Variants in COL6A3 observed in about 807,000 individuals in gnomAD.
The protein encoded by COL6A3 is collagen type VI alpha 3 chain, also known as collagen alpha-3(VI) chain.
COL6A3 carries 137 observed loss-of-function variants against 274.1 expected under a neutral mutation model. That is an observed-to-expected ratio of 0.50 (90% confidence interval 0.44 to 0.58). COL6A3 has a LOEUF of 0.58. Among genes scored for constraint, COL6A3 ranks in the 20% least tolerant of loss-of-function variants. The probability of loss-of-function intolerance (pLI) is 0.00; values close to 1 mark genes in which losing one functional copy is unlikely to be tolerated. For synonymous variants in COL6A3, 1,650 were observed against 1,650.6 expected, an observed-to-expected ratio of 1.00 and a Z score of 0.01; for missense variants, 3,950 against 4,124.9, an observed-to-expected ratio of 0.96 and a Z score of 1.16.
In COL6A3 at chr2:237,372,249, C is replaced by G; in HGVS notation, c.3768G>C (p.Glu1256Asp). The change falls in exon 9 of 44, where the codon GAG becomes GAC. Residue 1256 changes from glutamate (E) to aspartate (D), a missense_variant. Physicochemically the swap from Glu to Asp is conservative, Grantham distance 45 (BLOSUM62 2). Transcript: ENST00000295550. ...PEFQYVRTLI[E>D]RLVDYLDVGF... ...CCACGTCCAGGTAGTCAACCAGCCT[C>G]TCTATGAGGGTGCGAACGTACTGGA... 1 of 1,614,030 alleles carries G rather than the reference C, an allele frequency of 6.2e-7. No individual in the cohort carries two copies. The highest frequency in any genetic ancestry group is 8.5e-7 in the Non-Finnish European group (1 of 1,180,054).
rs1372784867 is a variant in COL6A3 at position 237,387,500 on chromosome 2, T to C, written c.1312+82A>G. The C allele has an allele frequency of 6.8e-6, 11 of 1,606,620 alleles. No individual in the cohort carries two copies. In the South Asian group the frequency reaches 1.0e-4, roughly 15 times the overall value. On this transcript the variant is annotated intron_variant, in intron 4 of 43. Coordinates refer to ENST00000295550, the MANE Select transcript of COL6A3 (RefSeq NM_004369.4). The stretch of plus-strand genomic sequence containing the variant: ...TTACAGCTTCTCCCGTGGCGAATCA[T>C]GCTGGTACCCACCTTACGTCTATGT...
chr2:237,337,822 G>T (rs1574934496), intron 39 of COL6A3, among the ~76,000 whole-genome samples: 1 of 152,108 alleles, frequency 6.6e-6, no homozygotes, highest in Non-Finnish European at 1.5e-5. Flanking sequence ...CATGAAACAC[G>T]GCACATGGGC....
Position 237,345,204 on chromosome 2 carries a change from C to A in COL6A3, c.7102G>T (p.Gly2368Cys), listed in dbSNP as rs770166058. ...ACATCGATGGAGTCGCCCCTGTTGC[C>A]CTTGGGACCCTGTAAAACCAAGGAA... ...PGYPGPAGPK[G>C]NRGDSIDQCA... Residue 2368 changes from glycine to cysteine, a missense_variant, in exon 33 of 44, where the codon GGC becomes TGC. Physicochemically the swap from Gly to Cys is radical, Grantham distance 159. Coordinates refer to ENST00000295550, the MANE Select transcript of COL6A3 (RefSeq NM_004369.4). 2 of 1,614,108 alleles carry A rather than the reference C, an allele frequency of 1.2e-6. No individual in the cohort carries two copies. The highest frequency in any genetic ancestry group is 2.2e-5 in the East Asian group (1 of 44,878).
At position 237,337,699 on chromosome 2, in the gene COL6A3, C is replaced by G. The variant is rs144466459; in HGVS notation, c.8568-1167G>C. The stretch of plus-strand genomic sequence containing the variant: ...ACATTCTCTTAAGGAGCACACATTG[C>G]TGACACGCTGCAGGGGCTCAGTTCT... On this transcript the variant is annotated intron_variant, in intron 39 of 43. Coordinates refer to ENST00000295550, the MANE Select transcript of COL6A3 (RefSeq NM_004369.4). Among the ~76,000 whole-genome samples, 3 of 152,346 alleles carry G rather than the reference C, an allele frequency of 2.0e-5. No individual in the cohort carries two copies. In the East Asian group the frequency reaches 5.8e-4, roughly 29 times the overall value.
At chr2:237,373,292 C>G (rs926663575) in intron 8 of COL6A3, among the ~76,000 whole-genome samples, 2 of 152,192 alleles carry the variant, frequency 1.3e-5, no homozygotes, top group Non-Finnish European at 2.9e-5. Context: ...ATCACAGAGG[C>G]CTCCTGCAGG....
chr2:237,334,088 G>C (rs1470847254), intron 41 of COL6A3, among the ~76,000 whole-genome samples: 1 of 152,214 alleles, frequency 6.6e-6, no homozygotes, highest in African/African-American at 2.4e-5. Flanking sequence ...GCAGGCCTCA[G>C]TGAAATGGGG....
intron 36 of COL6A3, chr2:237,343,344 AAAAG>A (rs1198319265): frequency 3.3e-5 from 5 of 151,306 alleles, no homozygotes; most frequent in South Asian, 2.1e-4. Context: ...AAAAAAAAAA[AAAAG>A]AAAGAAAAAT....
chr2:237,402,050 T>C (rs2078604542), intron 1 of COL6A3, among the ~76,000 whole-genome samples: 1 of 152,148 alleles, frequency 6.6e-6, no homozygotes, highest in African/African-American at 2.4e-5. Context: ...TATAAAAGAA[T>C]GAAATCCTTT....
At chr2:237,370,195 T>C (rs1015397210) in intron 9 of COL6A3, among the ~76,000 whole-genome samples, 4 of 150,952 alleles carry the variant, frequency 2.6e-5, no homozygotes, top group African/African-American at 9.7e-5. Flanking sequence ...TTCTTTACAT[T>C]AGCGCATTTT....
Position 237,358,501 on chromosome 2 carries a change from G to C in COL6A3, c.6471+20C>G, listed in dbSNP as rs370407313. 1 of 1,607,492 alleles carries C rather than the reference G, an allele frequency of 6.2e-7. No individual in the cohort carries two copies. The highest frequency in any genetic ancestry group is 8.5e-7 in the Non-Finnish European group (1 of 1,174,108). ...CTTCCCCAGGCTCAGGTCTGAAATC[G>C]TCAATAAAGAAATCTTTACCGGGTC... On this transcript the variant is annotated intron_variant, in intron 21 of 43. Transcript: ENST00000295550.
At chr2:237,327,545 G>C (rs919364543) in intron 42 of COL6A3, 1 of 152,118 alleles carries the variant, frequency 6.6e-6, no homozygotes, top group Non-Finnish European at 1.5e-5. Context: ...ATTTCAGTGA[G>C]AGTCACTACT....
chr2:237,399,286 C>T (rs188581024), intron 1 of COL6A3, among the ~76,000 whole-genome samples: 68 of 152,302 alleles, frequency 4.5e-4, no homozygotes, highest in Admixed American at 9.1e-4. Flanking sequence ...CCTGGATCCA[C>T]CATACCCTAC....
At position 237,371,720 on chromosome 2, in the gene COL6A3, C is replaced by T. The variant is rs1295105927; in HGVS notation, c.4285+12G>A. The T allele has an allele frequency of 3.2e-6, 5 of 1,579,466 alleles. No individual in the cohort carries two copies. The highest frequency in any genetic ancestry group is 2.6e-6 in the Non-Finnish European group (3 of 1,160,528). ...AATGCTCCAAGGAGAACCTCCGACG[C>T]CCCCATCTCACCTGGAGGTGGATAG... is the stretch of plus-strand genomic sequence containing the variant. On this transcript the variant is annotated intron_variant, in intron 9 of 43. Coordinates refer to ENST00000295550, the MANE Select transcript of COL6A3 (RefSeq NM_004369.4). This position sits in a 1 kb window ranked among gnomAD's most constrained non-coding sequence, Gnocchi z 4.3.
In COL6A3 at chr2:237,367,128, G is replaced by A. The variant is rs35273032; in HGVS notation, c.5059C>T (p.Pro1687Ser). ...TCCTTCAGGAAGAATTCGTCAGTGG[G>A]GTCAGAGTTGTACTGGACAAGCCCC... ...QVGLVQYNSD[P>S]TDEFFLKDFS... Residue 1687 changes from proline (P) to serine (S), a missense_variant, in exon 11 of 44, where the codon CCC (proline) becomes TCC (serine). Coordinates refer to ENST00000295550, the MANE Select transcript of COL6A3 (RefSeq NM_004369.4). 2,059 of 1,614,152 alleles carry A rather than the reference G, an allele frequency of 1.3e-3. 14 individuals are homozygous for A. The African/African-American group carries it at 0.021, about 17-fold the overall frequency.
intron 14 of COL6A3, among the ~76,000 whole-genome samples, chr2:237,362,103 T>A (rs996459864): frequency 6.6e-6 from 1 of 152,136 alleles, no homozygotes; most frequent in African/African-American, 2.4e-5. Context: ...ATCCACAATA[T>A]CACTGCAGGC....
At chr2:237,401,384 C>T (rs1028449616) in intron 1 of COL6A3, among the ~76,000 whole-genome samples, 1 of 152,062 alleles carries the variant, frequency 6.6e-6, no homozygotes, top group Non-Finnish European at 1.5e-5. Context: ...TAATTCATTT[C>T]AACAGTGTTT....
chr2:237,354,689 G>A (rs1001085071), intron 24 of COL6A3, among the ~76,000 whole-genome samples: 20 of 152,110 alleles, frequency 1.3e-4, no homozygotes, highest in Admixed American at 3.3e-4. Context: ...AAACCAAGCT[G>A]TGCCCCGAAC....
rs144633780 is a variant in COL6A3, at chr2:237,387,322, G to T, written c.1312+260C>A. ...TTAATAATCTCAAAGCAACAGGTTT[G>T]TTGAATTAGCCTTAAAAGCACGCTT... is the stretch of plus-strand genomic sequence containing the variant. On this transcript the variant is annotated intron_variant, in intron 4 of 43. Coordinates refer to ENST00000295550, the MANE Select transcript of COL6A3 (RefSeq NM_004369.4). Among the ~76,000 whole-genome samples the T allele has an allele frequency of 9.4e-4, 143 of 152,334 alleles. 1 individual carries two copies. Among genetic ancestry groups the T allele is most frequent in the African/African-American group, 3.3e-3 (139 of 41,576 alleles).
In COL6A3 at chr2:237,342,177, G is replaced by C. The variant is rs574975784; in HGVS notation, c.7669-16C>G. On this transcript the variant is annotated splice_polypyrimidine_tract_variant and intron_variant, in intron 36 of 43. Coordinates refer to ENST00000295550, the MANE Select transcript of COL6A3 (RefSeq NM_004369.4). ...TGTTATTGATCTGGTTTAAACAAAAGAACAATTTTGGTAGGGGCGTACATG... is the reference window on the plus strand; with the variant it reads ...TGTTATTGATCTGGTTTAAACAAAACAACAATTTTGGTAGGGGCGTACATG... The C allele has an allele frequency of 5.6e-6, 9 of 1,610,980 alleles. No individual in the cohort carries two copies. The African/African-American group carries it at 1.1e-4, about 19-fold the overall frequency.
Sources: allele counts gnomAD v4.1 joint callset (sites outside exome capture counted in the v4.1 genomes callset), GRCh38; gene constraint gnomAD v4.1.1; non-coding constraint Gnocchi (gnomAD v3.1); transcripts MANE v1.5; gene names NCBI Gene and HGNC (gene_info 2026-07-23, HGNC 2026-07-21).